The following TENM2 variants were observed in gnomAD, a reference collection of about 807,000 sequenced individuals.
TENM2 encodes teneurin transmembrane protein 2.
TENM2 carries 52 observed loss-of-function variants against 245.2 expected under a neutral mutation model. The ratio of observed to expected loss-of-function variants is 0.21; its 90% CI spans 0.17 to 0.27. The LOEUF (loss-of-function observed/expected upper bound fraction) is 0.27, where lower values mean the gene tolerates loss of function less well. Among genes scored for constraint, TENM2 ranks in the 10% least tolerant of loss-of-function variants. The pLI is 1.00. For missense variants in TENM2, 3,046 were observed against 3,666.8 expected (o/e 0.83, Z 4.37); for synonymous variants, 1,363 against 1,438.9 (o/e 0.95, Z 1.19).
intron 2 of TENM2, among the ~76,000 whole-genome samples, chr5:167,407,314 A>C (rs1256232616): frequency 6.6e-6 from 1 of 152,144 alleles, no homozygotes; most frequent in Non-Finnish European, 1.5e-5. Flanking sequence ...TATGTTCTGC[A>C]AGTGATGGCA....
At chr5:168,189,292 C>A (rs1346131694) in intron 13 of TENM2, among the ~76,000 whole-genome samples, 1 of 152,218 alleles carries the variant, frequency 6.6e-6, no homozygotes. Flanking sequence ...ATCCAGAAGG[C>A]TTCCTGGAAG....
intron 2 of TENM2, among the ~76,000 whole-genome samples, chr5:167,558,321 T>C (rs763536434): frequency 6.6e-6 from 1 of 152,238 alleles, no homozygotes. Context: ...TAGCAACTGG[T>C]TTGATCATTC....
At chr5:168,096,240 G>A (rs1213304090) in intron 8 of TENM2, among the ~76,000 whole-genome samples, 1 of 152,176 alleles carries the variant, frequency 6.6e-6, no homozygotes, top group African/African-American at 2.4e-5. Flanking sequence ...GACAGACCCA[G>A]GGAGAATGAT....
chr5:167,746,776 GTTA>G (rs1761616857), intron 2 of TENM2, among the ~76,000 whole-genome samples: 1 of 150,650 alleles, frequency 6.6e-6, no homozygotes, highest in African/African-American at 2.4e-5. Flanking sequence ...TTTTGGAAAT[GTTA>G]TTATTTAAGG....
intron 1 of TENM2, among the ~76,000 whole-genome samples, chr5:167,360,897 A>G (rs1056458305): frequency 2.6e-5 from 4 of 152,256 alleles, no homozygotes; most frequent in Non-Finnish European, 4.4e-5. Context: ...CGCTTCTACA[A>G]TATTCTTAAC....
chr5:167,248,839 G>A, the TENM2 span, among the ~76,000 whole-genome samples: 1 of 151,786 alleles, frequency 6.6e-6, no homozygotes, highest in Non-Finnish European at 1.5e-5. Context: ...ATATTTCAAA[G>A]TTCTTGACTG....
At chr5:167,734,458 A>T (rs61168576) in intron 2 of TENM2, among the ~76,000 whole-genome samples, 8,849 of 148,498 alleles carry the variant, frequency 0.06, 752 homozygotes, top group East Asian at 0.37. Flanking sequence ...AACTATATTA[A>T]TTAGATATAA....
the TENM2 span, among the ~76,000 whole-genome samples, chr5:167,043,913 G>A: frequency 5.3e-5 from 8 of 152,098 alleles, no homozygotes; most frequent in South Asian, 8.3e-4. Flanking sequence ...CCAGCTACTC[G>A]GGAGGCTGAG....
chr5:168,082,963 A>C (rs2152207912), intron 7 of TENM2, among the ~76,000 whole-genome samples: 1 of 152,274 alleles, frequency 6.6e-6, no homozygotes, highest in East Asian at 1.9e-4. Context: ...TGGGAGAAGC[A>C]CTACTCTCTT....
At chr5:167,794,882 A>G (rs962655749) in intron 2 of TENM2, among the ~76,000 whole-genome samples, 4 of 152,216 alleles carry the variant, frequency 2.6e-5, no homozygotes, top group Non-Finnish European at 5.9e-5. Flanking sequence ...ATGTGCTGAT[A>G]TTAATTTCTT....
At position 167,394,587 on chromosome 5, in the gene TENM2, G is replaced by T. The variant is rs538995271; in HGVS notation, c.502+19114G>T. On this transcript the variant is annotated intron_variant, in intron 2 of 28. Coordinates refer to ENST00000518659, the Ensembl canonical transcript of TENM2. ...ATAAATGTATGTATGTATTTATTTAGTTAGTTAGTTAGTTTTGTTCTTTGG... is the reference window on the plus strand; with the variant it reads ...ATAAATGTATGTATGTATTTATTTATTTAGTTAGTTAGTTTTGTTCTTTGG... 1.5e-3 allele frequency among the ~76,000 whole-genome samples: 222 copies of T among 151,988 alleles called. 2 individuals carry two copies. Among genetic ancestry groups the T allele is most frequent in the African/African-American group, 4.2e-3 (175 of 41,462 alleles).
chr5:168,080,620 G>T (rs576064087), intron 7 of TENM2, among the ~76,000 whole-genome samples: 57 of 152,026 alleles, frequency 3.7e-4, no homozygotes, highest in Middle Eastern at 3.4e-3. Flanking sequence ...CAGAGATTCT[G>T]GTATGTTGTG....
intron 2 of TENM2, among the ~76,000 whole-genome samples, chr5:167,557,526 G>A (rs1773330692): frequency 6.6e-6 from 1 of 152,210 alleles, no homozygotes; most frequent in Admixed American, 6.5e-5. Flanking sequence ...GTTTAAAGAA[G>A]CAATAGATTT....
intron 24 of TENM2, among the ~76,000 whole-genome samples, chr5:168,226,598 C>CA (rs1764212914): frequency 6.6e-6 from 1 of 152,144 alleles, no homozygotes; most frequent in African/African-American, 2.4e-5. Context: ...CCCACCAACC[C>CA]AAAACACATA....
chr5:168,247,641 A>T lies in TENM2; in HGVS notation c.6702A>T (p.Leu2234Phe). ...ATGACCTTAATGGGAATCTCCACTT[A>T]CTGAACCCAGGCAACAGTGTGCGCC... Residue 2234 changes from leucine (L) to phenylalanine (F), a missense_variant, in exon 27 of 29, where the codon TTA becomes TTT. Physicochemically the swap from Leu to Phe is conservative, Grantham distance 22. Transcript: ENST00000518659. This position sits in a 1 kb window ranked among gnomAD's most constrained non-coding sequence, Gnocchi z 7.8. The T allele has an allele frequency of 6.2e-7, 1 of 1,613,900 alleles. No individual in the cohort carries two copies. Among genetic ancestry groups the T allele is most frequent in the Non-Finnish European group, 8.5e-7 (1 of 1,179,900 alleles).
At chr5:167,257,023 C>T in the TENM2 span, among the ~76,000 whole-genome samples, 4 of 152,162 alleles carry the variant, frequency 2.6e-5, 1 homozygote, top group African/African-American at 9.6e-5. Context: ...AAGATATCTG[C>T]ATTTTTCTTC....
chr5:167,521,912 A>C (rs1770780065), intron 2 of TENM2, among the ~76,000 whole-genome samples: 2 of 152,186 alleles, frequency 1.3e-5, no homozygotes, highest in Non-Finnish European at 2.9e-5. Flanking sequence ...TACCAAGAAG[A>C]ACACTGGTGC....
the TENM2 span, among the ~76,000 whole-genome samples, chr5:167,170,361 A>G: frequency 5.9e-5 from 9 of 152,202 alleles, no homozygotes; most frequent in African/African-American, 1.7e-4. Context: ...CATAAATACT[A>G]GCTAGGTATG....
intron 2 of TENM2, among the ~76,000 whole-genome samples, chr5:167,805,946 C>T (rs1766131228): frequency 6.6e-6 from 1 of 152,150 alleles, no homozygotes; most frequent in Admixed American, 6.6e-5. Flanking sequence ...AAAATAATTT[C>T]CCACTTATTA....
Sources: gnomAD v4.1 joint callset for allele counts (sites outside exome capture counted in the v4.1 genomes callset) on GRCh38, gnomAD v4.1.1 for gene constraint, Gnocchi (gnomAD v3.1) non-coding constraint, MANE v1.5 for transcripts, NCBI Gene and HGNC (gene_info 2026-07-23, HGNC 2026-07-21) for gene names.